PTPRQ: variants seen among roughly 807,000 people sequenced by gnomAD.
PTPRQ encodes protein tyrosine phosphatase receptor type Q, also known as phosphatidylinositol phosphatase PTPRQ.
In PTPRQ, 199 loss-of-function variants were observed where a neutral mutation model predicts 246.0. The observed-to-expected ratio is 0.81, with a 90% CI of 0.72 to 0.91. The LOEUF (loss-of-function observed/expected upper bound fraction) is 0.91, where lower values mean the gene tolerates loss of function less well. Ranked by LOEUF, PTPRQ falls within the 40% of genes least tolerant of loss-of-function variation. The pLI is 0.00. For missense variants in PTPRQ, 2,624 were observed against 2,528.4 expected, an observed-to-expected ratio of 1.04 and a Z score of -0.81; for synonymous variants, 869 against 853.2, an observed-to-expected ratio of 1.02 and a Z score of -0.32.
At chr12:80,499,766 CTGTGTGTG>C (rs150219133) in intron 14 of PTPRQ, among the ~76,000 whole-genome samples, 1 of 150,362 alleles carries the variant, frequency 6.7e-6, no homozygotes, top group African/African-American at 2.4e-5. Context: ...AAGATTGATT[CTGTGTGTG>C]TGTGTGTGTA....
At position 80,472,209 on chromosome 12, in the gene PTPRQ, A is replaced by T; in HGVS notation, c.1144A>T (p.Thr382Ser). The T allele has an allele frequency of 1.9e-6, 3 of 1,551,552 alleles. No homozygotes were observed. The South Asian group carries it at 3.6e-5, about 18-fold the overall frequency. ...TATTGCGGCTGAAACCAGTGCAGGG[A>T]CTGGGCCCAAGTCAAATATTTCAGT... Reference protein sequence around the residue: ...VYIAAETSAGTGPKSNISVFT... With the variant: ...VYIAAETSAGSGPKSNISVFT... Residue 382 changes from threonine to serine, a missense_variant, in exon 8 of 45, where the codon ACT (threonine) becomes TCT (serine). Coordinates refer to ENST00000644991, the MANE Select transcript of PTPRQ (RefSeq NM_001145026.2).
At chr12:80,496,678 G>T in intron 14 of PTPRQ, 147 bp downstream of exon 14, 1 of 1,045,492 alleles carries the variant, frequency 9.6e-7, no homozygotes, top group Non-Finnish European at 1.3e-6. Flanking sequence ...TTCTTTTTCA[G>T]GCAAAAGTGC....
intron 35 of PTPRQ, among the ~76,000 whole-genome samples, chr12:80,636,393 C>A (rs2121181951): frequency 6.6e-6 from 1 of 152,356 alleles, no homozygotes; most frequent in South Asian, 2.1e-4. Context: ...AGCACTGCTA[C>A]TACTAGACTG....
chr12:80,485,965 T>A (rs1894262272), intron 9 of PTPRQ, among the ~76,000 whole-genome samples: 1 of 152,126 alleles, frequency 6.6e-6, no homozygotes, highest in Non-Finnish European at 1.5e-5. Flanking sequence ...CGTACAAATT[T>A]GGATTTAAAT....
At chr12:80,587,012 C>T (rs1192884307) in intron 25 of PTPRQ, among the ~76,000 whole-genome samples, 6 of 152,076 alleles carry the variant, frequency 3.9e-5, no homozygotes, top group East Asian at 1.9e-4. Flanking sequence ...GGAGCCAGTA[C>T]CCTGTGGATA....
intron 17 of PTPRQ, among the ~76,000 whole-genome samples, chr12:80,529,861 A>G (rs1335589746): frequency 1.3e-5 from 2 of 152,132 alleles, no homozygotes; most frequent in Non-Finnish European, 2.9e-5. Context: ...AAACCTATTC[A>G]AAAATAGGTT....
intron 33 of PTPRQ, among the ~76,000 whole-genome samples, chr12:80,627,512 A>G (rs939649840): frequency 6.6e-6 from 1 of 151,856 alleles, no homozygotes; most frequent in East Asian, 1.9e-4. Flanking sequence ...TGAGCTTTAT[A>G]TCTAATTGAA....
In PTPRQ at chr12:80,496,427, A is replaced by C; in HGVS notation, c.2168A>C (p.Asn723Thr). Residue 723 changes from asparagine (N) to threonine (T), a missense_variant, in exon 14 of 45, where the codon AAC (asparagine) becomes ACC (threonine). Transcript: ENST00000644991. The stretch of plus-strand genomic sequence containing the variant: ...TCAACAACAGACATAATATTAAGGA[A>C]CTTAAGACCTCACACCCTCTATAAC... ...NTSTTDIILR[N>T]LRPHTLYNIS... The C allele has an allele frequency of 6.4e-7, 1 of 1,550,896 alleles. No homozygotes were observed. The highest frequency in any genetic ancestry group is 8.7e-7 in the Non-Finnish European group (1 of 1,146,488).
In PTPRQ at chr12:80,541,754, C is replaced by T; in HGVS notation, c.3354C>T (p.Tyr1118=). 3 of 1,551,090 alleles carry T rather than the reference C, an allele frequency of 1.9e-6. No homozygotes were observed. Among genetic ancestry groups the T allele is most frequent in the Non-Finnish European group, 2.6e-6 (3 of 1,146,572 alleles). The change falls in exon 21 of 45, where the codon TAC becomes TAT. Residue 1118 remains tyrosine, a synonymous_variant. Transcript: ENST00000644991. ...TATATTTTGATAATCTGGAAAAATA[C>T]ACTGATTATATATTAAAAATTACTC... ...RSIYFDNLEK[Y]TDYILKITPS... is the part of the protein sequence containing the mutation.
At chr12:80,537,277 A>T (rs1023445610) in intron 19 of PTPRQ, among the ~76,000 whole-genome samples, 1 of 152,204 alleles carries the variant, frequency 6.6e-6, no homozygotes, top group African/African-American at 2.4e-5. Flanking sequence ...AGTGGAAGAA[A>T]GCCTCAAAAT....
intron 14 of PTPRQ, among the ~76,000 whole-genome samples, chr12:80,504,528 T>G (rs1388855055): frequency 6.6e-6 from 1 of 151,880 alleles, no homozygotes; most frequent in Non-Finnish European, 1.5e-5. Flanking sequence ...TTTTCTTTTC[T>G]TTGCTGACTT....
In PTPRQ at chr12:80,619,439, G is replaced by T; in HGVS notation, c.5286G>T (p.Leu1762=). The stretch of plus-strand genomic sequence containing the variant: ...CTATTTATGATGCCACAGGAAAACT[G>T]CTTGTGACTTCAACAACAATTACAA... ...PTPIYDATGK[L]LVTSTTITIR... The change falls in exon 31 of 45, where the codon CTG becomes CTT. Residue 1762 remains leucine (L), a synonymous_variant. Coordinates refer to ENST00000644991, the MANE Select transcript of PTPRQ (RefSeq NM_001145026.2). 6.5e-7 allele frequency: 1 copy of T among 1,548,260 alleles called. No homozygotes were observed. Among genetic ancestry groups the T allele is most frequent in the Non-Finnish European group, 8.7e-7 (1 of 1,144,840 alleles).
chr12:80,521,626 TC>T (rs1456925266), intron 17 of PTPRQ, among the ~76,000 whole-genome samples: 1 of 152,168 alleles, frequency 6.6e-6, no homozygotes, highest in African/African-American at 2.4e-5. Context: ...GGGAATCCTT[TC>T]CCCATTGCTT....
At chr12:80,494,651 A>G (rs1894552523) in intron 10 of PTPRQ, among the ~76,000 whole-genome samples, 1 of 151,978 alleles carries the variant, frequency 6.6e-6, no homozygotes, top group African/African-American at 2.4e-5. Flanking sequence ...GTCATGTTTC[A>G]GAGTAATGTG....
At chr12:80,644,597 T>C (rs1452906217) in intron 35 of PTPRQ, among the ~76,000 whole-genome samples, 4 of 152,142 alleles carry the variant, frequency 2.6e-5, no homozygotes, top group African/African-American at 4.8e-5. Flanking sequence ...TGCACATCAA[T>C]TTCTGTGAGT....
intron 6 of PTPRQ, among the ~76,000 whole-genome samples, chr12:80,466,003 C>T (rs1262717532): frequency 6.6e-6 from 1 of 152,096 alleles, no homozygotes; most frequent in Non-Finnish European, 1.5e-5. Flanking sequence ...AAGTTCTGGC[C>T]AGGGCAATTA....
intron 25 of PTPRQ, among the ~76,000 whole-genome samples, chr12:80,558,227 G>A (rs1420592098): frequency 6.9e-6 from 1 of 145,688 alleles, no homozygotes; most frequent in African/African-American, 2.5e-5. Flanking sequence ...GAGTGCAGTG[G>A]TGCGATCTCG....
intron 3 of PTPRQ, among the ~76,000 whole-genome samples, chr12:80,452,432 C>T (rs962088835): frequency 9.9e-5 from 15 of 152,140 alleles, no homozygotes; most frequent in Non-Finnish European, 1.9e-4. Context: ...TTATTTTGCT[C>T]GTTAGTTGAT....
chr12:80,620,105 A>G, intron 31 of PTPRQ, 49 bp from the exon 32 acceptor site: 2 of 1,489,030 alleles, frequency 1.3e-6, no homozygotes, highest in Non-Finnish European at 1.8e-6. Flanking sequence ...TTGTAAAAAT[A>G]TATTCATATG....
Sources: gnomAD v4.1 joint callset for allele counts (sites outside exome capture counted in the v4.1 genomes callset) on GRCh38, gnomAD v4.1.1 for gene constraint, MANE v1.5 for transcripts, NCBI Gene and HGNC (gene_info 2026-07-23, HGNC 2026-07-21) for gene names.